The following ZSCAN5A variants were observed in gnomAD, a reference collection of about 807,000 sequenced individuals.
ZSCAN5A encodes zinc finger and SCAN domain containing 5A, also known as zinc finger and SCAN domain-containing protein 5A.
Under a neutral mutation model 23.7 loss-of-function variants are expected in ZSCAN5A, and 12 were observed. That is an observed-to-expected ratio of 0.51 (90% confidence interval 0.32 to 0.82). The LOEUF is 0.82. Among genes scored for constraint, ZSCAN5A ranks in the 40% least tolerant of loss-of-function variants. The pLI, the probability that ZSCAN5A is intolerant of heterozygous loss-of-function variation, is 0.03. For synonymous variants in ZSCAN5A, 257 were observed against 239.9 expected, an observed-to-expected ratio of 1.07 and a Z score of -0.66; for missense variants, 597 against 617.9, an observed-to-expected ratio of 0.97 and a Z score of 0.36.
chr19:56,227,990 C>T (rs375159550), intron 2 of ZSCAN5A, among the ~76,000 whole-genome samples: 315 of 152,088 alleles, frequency 2.1e-3, no homozygotes, highest in African/African-American at 7.3e-3. Flanking sequence ...CCCAGGAATT[C>T]CAGGCTAGTC....
At chr19:56,326,647 C>G (rs578240262) in intron 2 of ZSCAN5A, among the ~76,000 whole-genome samples, 1 of 151,994 alleles carries the variant, frequency 6.6e-6, no homozygotes, top group African/African-American at 2.4e-5. Context: ...CAGTACTGGG[C>G]GATTAACTGC....
In ZSCAN5A at chr19:56,223,743, TTCAGA is replaced by T; in HGVS notation, c.471_475del (p.Asp157GlufsTer49). 6.2e-7 allele frequency: 1 copy of T among 1,613,834 alleles called. No individual in the cohort carries two copies. The highest frequency in any genetic ancestry group is 8.5e-7 in the Non-Finnish European group (1 of 1,179,952). On this transcript the variant is annotated frameshift_variant, in exon 4 of 6. Coordinates refer to ENST00000683990, the MANE Select transcript of ZSCAN5A (RefSeq NM_001322064.3). LOFTEE classifies it high-confidence loss of function. ...GGAGGCCCGTTGGCTGGACACGTCT[TTCAGA>T]TCATCTCTGACACTGGAGGGGGCTT...
At chr19:56,295,778 A>G (rs963127979) in intron 2 of ZSCAN5A, 1 of 152,440 alleles carries the variant, frequency 6.6e-6, no homozygotes, top group African/African-American at 2.4e-5. Context: ...ACTACTCAGC[A>G]CGACCCACCC....
chr19:56,316,275 C>T (rs538031332), upstream of ZSCAN5A: 2 of 152,304 alleles, frequency 1.3e-5, no homozygotes, highest in East Asian at 3.9e-4. Flanking sequence ...CCATCTGTAA[C>T]AACATAACCA....
At chr19:56,225,665 A>G (rs969158034) in intron 2 of ZSCAN5A, among the ~76,000 whole-genome samples, 2 of 152,232 alleles carry the variant, frequency 1.3e-5, no homozygotes, top group African/African-American at 2.4e-5. Context: ...AGGATTAAGC[A>G]CCTACACAGA....
In ZSCAN5A at chr19:56,249,548, A is replaced by T. The variant is rs116973209; in HGVS notation, c.-127-24375T>A. Among the ~76,000 whole-genome samples, 138 of 152,336 alleles carry T rather than the reference A, an allele frequency of 9.1e-4. 2 individuals are homozygous for T. The East Asian group carries it at 0.023, about 25-fold the overall frequency. The stretch of plus-strand genomic sequence containing the variant: ...CAGCCTCCCAATGTGCTGGGATTAC[A>T]TGAGCACGAGCCGCCATACCTGGCC... On this transcript the variant is annotated intron_variant, in intron 2 of 5. Coordinates refer to ENST00000683990, the MANE Select transcript of ZSCAN5A (RefSeq NM_001322064.3).
intron 2 of ZSCAN5A, among the ~76,000 whole-genome samples, chr19:56,288,593 G>A (rs558666693): frequency 6.6e-6 from 1 of 152,278 alleles, no homozygotes; most frequent in South Asian, 2.1e-4. Context: ...GGCCTGCCTT[G>A]CTTTCCACTG....
intron 2 of ZSCAN5A, chr19:56,303,106 A>G (rs2040454471): frequency 2.6e-6 from 1 of 381,528 alleles, no homozygotes; most frequent in Non-Finnish European, 4.6e-6. Flanking sequence ...TAGCCAATTG[A>G]GGAGGGGAAG....
At chr19:56,343,368 A>G (rs1360318256) in intron 2 of ZSCAN5A, 3 of 564,422 alleles carry the variant, frequency 5.3e-6, no homozygotes, top group Non-Finnish European at 1.0e-5. Flanking sequence ...GTTGTCTTAG[A>G]GCATTTTCTG....
chr19:56,229,459 T>C (rs1489118891), intron 2 of ZSCAN5A, among the ~76,000 whole-genome samples: 1 of 152,206 alleles, frequency 6.6e-6, no homozygotes, highest in Non-Finnish European at 1.5e-5. Flanking sequence ...TCTCATACTT[T>C]GTTACATTTT....
chr19:56,238,653 C>CA, intron 2 of ZSCAN5A, among the ~76,000 whole-genome samples: 1 of 152,096 alleles, frequency 6.6e-6, no homozygotes, highest in South Asian at 2.1e-4. Context: ...AATCAATAAA[C>CA]AAATTTATCC....
At chr19:56,227,094 T>C (rs566525491) in intron 2 of ZSCAN5A, among the ~76,000 whole-genome samples, 138 of 152,196 alleles carry the variant, frequency 9.1e-4, no homozygotes, top group African/African-American at 3.2e-3. Context: ...AAAAGAGCAA[T>C]TGTCCAACAT....
At chr19:56,346,666 T>C (rs1168751748) in intron 2 of ZSCAN5A, among the ~76,000 whole-genome samples, 1 of 152,056 alleles carries the variant, frequency 6.6e-6, no homozygotes, top group Non-Finnish European at 1.5e-5. Flanking sequence ...CTTTGTAATA[T>C]GCATTTTAGA....
At chr19:56,222,793 C>T in intron 4 of ZSCAN5A, 52 bp from the exon 5 acceptor site, 1 of 1,612,976 alleles carries the variant, frequency 6.2e-7, no homozygotes, top group Non-Finnish European at 8.5e-7. Context: ...CTGGTGGAAG[C>T]AGGGACACAT....
chr19:56,257,883 CCCACCA>C, intron 2 of ZSCAN5A, among the ~76,000 whole-genome samples: 3 of 135,022 alleles, frequency 2.2e-5, no homozygotes, highest in African/African-American at 8.5e-5. Flanking sequence ...GCTCCTGCCT[CCCACCA>C]CTGCCCGATC....
intron 2 of ZSCAN5A, among the ~76,000 whole-genome samples, chr19:56,230,498 C>T (rs2034363851): frequency 1.3e-5 from 2 of 152,054 alleles, no homozygotes; most frequent in African/African-American, 2.4e-5. Context: ...ACATAGATAC[C>T]ATGTTCTTTC....
intron 2 of ZSCAN5A, among the ~76,000 whole-genome samples, chr19:56,226,876 A>G (rs1294852835): frequency 1.3e-5 from 2 of 152,188 alleles, no homozygotes; most frequent in Non-Finnish European, 2.9e-5. Flanking sequence ...CAATATACTC[A>G]TGCAACAAAT....
intron 2 of ZSCAN5A, chr19:56,246,745 G>T (rs776939100): frequency 1.4e-6 from 2 of 1,454,540 alleles, no homozygotes; most frequent in South Asian, 2.3e-5. Context: ...TGTGGTGGGA[G>T]CAAAGGAGGG....
At chr19:56,276,561 G>A (rs1049359469) in intron 2 of ZSCAN5A, among the ~76,000 whole-genome samples, 16 of 122,658 alleles carry the variant, frequency 1.3e-4, no homozygotes, top group African/African-American at 3.6e-4. Context: ...TTTTTGAGAC[G>A]AGCCTCGCTC....
Sources: allele counts gnomAD v4.1 joint callset (sites outside exome capture counted in the v4.1 genomes callset), GRCh38; gene constraint gnomAD v4.1.1; transcripts MANE v1.5; gene names NCBI Gene and HGNC (gene_info 2026-07-23, HGNC 2026-07-21).